Variants in SFXN5 observed in about 807,000 individuals in gnomAD.
The protein encoded by SFXN5 is sideroflexin 5.
In SFXN5, 43 loss-of-function variants were observed where a neutral mutation model predicts 50.2. The observed-to-expected ratio is 0.86, with a 90% CI of 0.67 to 1.11. The LOEUF (loss-of-function observed/expected upper bound fraction) is 1.11, where lower values mean the gene tolerates loss of function less well. Ranked by LOEUF, SFXN5 falls within the 50% of genes least tolerant of loss-of-function variation. The pLI is 0.00. For missense variants in SFXN5, 463 were observed against 454.1 expected, an observed-to-expected ratio of 1.02 and a Z score of -0.18; for synonymous variants, 203 against 185.8, an observed-to-expected ratio of 1.09 and a Z score of -0.75.
At chr2:73,047,534 T>A (rs1453105545) in intron 2 of SFXN5, among the ~76,000 whole-genome samples, 1 of 151,462 alleles carries the variant, frequency 6.6e-6, no homozygotes, top group Non-Finnish European at 1.5e-5. Context: ...CAGGTGGAGA[T>A]AATTGAATCA....
At chr2:73,034,531 C>T (rs1678717541) in intron 3 of SFXN5, among the ~76,000 whole-genome samples, 1 of 152,176 alleles carries the variant, frequency 6.6e-6, no homozygotes, top group Non-Finnish European at 1.5e-5. Flanking sequence ...AGAAATCCAT[C>T]CTGCATGGGG....
chr2:72,968,740 C>T (rs934724571), intron 11 of SFXN5, among the ~76,000 whole-genome samples: 1 of 151,906 alleles, frequency 6.6e-6, no homozygotes, highest in Non-Finnish European at 1.5e-5. Flanking sequence ...CCTTCCCTCC[C>T]TCCCTCTTTC....
chr2:73,066,695 C>T (rs1683202259), intron 1 of SFXN5, among the ~76,000 whole-genome samples: 3 of 151,656 alleles, frequency 2.0e-5, no homozygotes, highest in Admixed American at 2.0e-4. Context: ...CGACTGGTTA[C>T]TTGATGATAT....
rs114210636 is a variant in SFXN5 at position 72,960,489 on chromosome 2, C to T, written c.945+642G>A. On this transcript the variant is annotated intron_variant, in intron 13 of 13. Transcript: ENST00000272433. The surrounding 1 kb of genome is among the most constrained non-coding windows in gnomAD (Gnocchi z 6.1). ...CCGCCATCACCGCTTGCTGGATGCCCGCCACAGGCTCCTGATGGTTCCTTC... is the reference window on the plus strand; with the variant it reads ...CCGCCATCACCGCTTGCTGGATGCCTGCCACAGGCTCCTGATGGTTCCTTC... 9.0e-3 allele frequency among the ~76,000 whole-genome samples: 1,367 copies of T among 152,186 alleles called. 22 individuals are homozygous for T. The highest frequency in any genetic ancestry group is 0.032 in the African/African-American group (1,317 of 41,500).
intron 11 of SFXN5, 95 bp downstream of exon 11, chr2:72,971,475 C>A: frequency 1.2e-6 from 1 of 826,258 alleles, no homozygotes; most frequent in Non-Finnish European, 1.9e-6. Context: ...AATAAGGGTA[C>A]CCTGGATAGA....
chr2:73,022,900 C>A (rs1426110085), intron 4 of SFXN5, among the ~76,000 whole-genome samples: 2 of 152,230 alleles, frequency 1.3e-5, no homozygotes, highest in Non-Finnish European at 2.9e-5. Flanking sequence ...AGGCCCTCTA[C>A]CCCCATTCCT....
At chr2:73,052,405 T>G (rs745378159) in intron 2 of SFXN5, among the ~76,000 whole-genome samples, 16 of 151,208 alleles carry the variant, frequency 1.1e-4, no homozygotes, top group Non-Finnish European at 2.4e-4. Flanking sequence ...GAGTGCATAT[T>G]GGTACCTCCA....
chr2:72,957,656 G>A (rs1057490271), intron 13 of SFXN5, among the ~76,000 whole-genome samples: 1 of 152,258 alleles, frequency 6.6e-6, no homozygotes, highest in African/African-American at 2.4e-5. Context: ...ACTGGCTTCT[G>A]GGATGTGAGA....
intron 1 of SFXN5, 148 bp from the exon 2 acceptor site, chr2:73,058,744 A>G: frequency 1.4e-6 from 1 of 706,930 alleles, no homozygotes; most frequent in Non-Finnish European, 2.4e-6. Context: ...GGCCTCAGAA[A>G]TCTAAGGACA....
At chr2:72,954,549 T>C (rs1267392451) in intron 13 of SFXN5, among the ~76,000 whole-genome samples, 1 of 151,982 alleles carries the variant, frequency 6.6e-6, no homozygotes, top group Non-Finnish European at 1.5e-5. Context: ...AGACACACGC[T>C]CATAGCCGCC....
At position 73,001,558 on chromosome 2, in the gene SFXN5, G is replaced by A; in HGVS notation, c.378C>T (p.Pro126=). The change falls in exon 7 of 14, where the codon CCC becomes CCT. Residue 126 remains proline (P), a synonymous_variant. Coordinates refer to ENST00000272433, the MANE Select transcript of SFXN5 (RefSeq NM_144579.3). ...AGACAGTGGATGCCAGTGTCTGGTT[G>A]GGCAAGAGAAGACCGACTACCTATG... ...GTPIVVGLLL[P]NQTLASTVFW... 2 of 1,614,168 alleles carry A rather than the reference G, an allele frequency of 1.2e-6. No individual in the cohort carries two copies. The highest frequency in any genetic ancestry group is 1.7e-6 in the Non-Finnish European group (2 of 1,180,018).
At chr2:72,984,891 A>G (rs921863720) in intron 10 of SFXN5, among the ~76,000 whole-genome samples, 9 of 152,146 alleles carry the variant, frequency 5.9e-5, no homozygotes, top group African/African-American at 9.7e-5. Flanking sequence ...CCCACCTCCC[A>G]GGCTTCAGGC....
chr2:72,947,975 A>G (rs1440863004), intron 13 of SFXN5, among the ~76,000 whole-genome samples: 1 of 152,242 alleles, frequency 6.6e-6, no homozygotes, highest in Non-Finnish European at 1.5e-5. Context: ...GTGCAAAACA[A>G]TTTAGGTATT....
chr2:73,055,244 G>A (rs1320868676), intron 2 of SFXN5, among the ~76,000 whole-genome samples: 5 of 152,254 alleles, frequency 3.3e-5, no homozygotes, highest in Admixed American at 2.0e-4. Context: ...TCTCGGGCAA[G>A]TTCCCTAAAC....
chr2:72,957,578 A>T (rs1673246206), intron 13 of SFXN5, among the ~76,000 whole-genome samples: 1 of 152,220 alleles, frequency 6.6e-6, no homozygotes, highest in Non-Finnish European at 1.5e-5. Context: ...ACTTCTGTTG[A>T]CAACCTTGGT....
intron 6 of SFXN5, among the ~76,000 whole-genome samples, chr2:73,013,444 T>TGTGTGTGTG (rs1553518120): frequency 4.7e-5 from 7 of 148,470 alleles, no homozygotes; most frequent in Admixed American, 6.7e-5. Context: ...TGTGTGTGTG[T>TGTGTGTGTG]TTGAGAGATA....
At chr2:72,959,697 T>C (rs2105373551) in intron 13 of SFXN5, among the ~76,000 whole-genome samples, 1 of 152,248 alleles carries the variant, frequency 6.6e-6, no homozygotes, top group African/African-American at 2.4e-5. Flanking sequence ...CCCTCGTCTG[T>C]GCTCTGGTCC....
chr2:72,994,047 C>T (rs1472121587), intron 9 of SFXN5, among the ~76,000 whole-genome samples: 1 of 152,176 alleles, frequency 6.6e-6, no homozygotes, highest in African/African-American at 2.4e-5. Flanking sequence ...GTAATAGCTC[C>T]TCCAACCTAG....
At chr2:73,023,477 T>A (rs917663050) in intron 3 of SFXN5, among the ~76,000 whole-genome samples, 3 of 152,198 alleles carry the variant, frequency 2.0e-5, no homozygotes, top group African/African-American at 7.2e-5. Context: ...CAACTATGTC[T>A]GCACTTTAGA....
Sources: gnomAD v4.1 joint callset for allele counts (sites outside exome capture counted in the v4.1 genomes callset) on GRCh38, gnomAD v4.1.1 for gene constraint, Gnocchi (gnomAD v3.1) non-coding constraint, MANE v1.5 for transcripts, NCBI Gene and HGNC (gene_info 2026-07-23, HGNC 2026-07-21) for gene names.